CDH18: variants seen among roughly 807,000 people sequenced by gnomAD.
CDH18 encodes the protein cadherin 18.
Under a neutral mutation model 67.9 loss-of-function variants are expected in CDH18, and 31 were observed. That is an observed-to-expected ratio of 0.46 (90% confidence interval 0.34 to 0.62). CDH18 has a LOEUF of 0.62. Among genes scored for constraint, CDH18 ranks in the 20% least tolerant of loss-of-function variants. The probability of loss-of-function intolerance (pLI) is 0.01; values close to 1 mark genes in which losing one functional copy is unlikely to be tolerated. For synonymous variants in CDH18, 362 were observed against 347.2 expected (o/e 1.04, Z -0.48); for missense variants, 890 against 975.5 (o/e 0.91, Z 1.17).
chr5:19,957,346 TTA>T (rs1449032605), intron 2 of CDH18, among the ~76,000 whole-genome samples: 7 of 150,908 alleles, frequency 4.6e-5, no homozygotes, highest in South Asian at 2.1e-4. Context: ...TAATTTATAT[TTA>T]TATGTCATTA....
chr5:20,182,597 C>CA (rs778083062), intron 2 of CDH18, among the ~76,000 whole-genome samples: 5,511 of 46,264 alleles, frequency 0.12, 384 homozygotes, highest in East Asian at 0.32. Context: ...AGCTAAATCT[C>CA]AAAAAAAAAA....
chr5:19,688,122 A>C (rs1274994753), intron 5 of CDH18, among the ~76,000 whole-genome samples: 1 of 152,024 alleles, frequency 6.6e-6, no homozygotes, highest in Non-Finnish European at 1.5e-5. Context: ...TTTTCCCACC[A>C]CCATTACTGC....
chr5:19,568,410 C>T (rs1044153624), intron 8 of CDH18, among the ~76,000 whole-genome samples: 3 of 152,074 alleles, frequency 2.0e-5, no homozygotes, highest in Non-Finnish European at 2.9e-5. Flanking sequence ...TGTGAGAATA[C>T]GAGACGTTGG....
At chr5:19,585,208 T>C (rs1743965799) in intron 7 of CDH18, among the ~76,000 whole-genome samples, 1 of 152,140 alleles carries the variant, frequency 6.6e-6, no homozygotes, top group Non-Finnish European at 1.5e-5. Context: ...AATTTTACCT[T>C]TGTTTTTCAG....
chr5:19,569,609 G>A (rs971100228), intron 8 of CDH18, among the ~76,000 whole-genome samples: 4 of 152,074 alleles, frequency 2.6e-5, no homozygotes, highest in Non-Finnish European at 5.9e-5. Context: ...TTATCATGAG[G>A]ACTACTATAA....
At chr5:20,401,619 T>G (rs1256965723) in intron 1 of CDH18, among the ~76,000 whole-genome samples, 2 of 152,210 alleles carry the variant, frequency 1.3e-5, no homozygotes, top group South Asian at 2.1e-4. Flanking sequence ...ATATACTTAG[T>G]TGATCAAATT....
At chr5:20,272,733 C>A (rs78186101) in intron 1 of CDH18, among the ~76,000 whole-genome samples, 1,663 of 152,062 alleles carry the variant, frequency 0.011, 31 homozygotes, top group African/African-American at 0.038. Context: ...CCCTCTATGT[C>A]ATTCTACAAA....
At chr5:20,273,527 G>C (rs1407553582) in intron 1 of CDH18, among the ~76,000 whole-genome samples, 1 of 151,994 alleles carries the variant, frequency 6.6e-6, no homozygotes, top group Non-Finnish European at 1.5e-5. Context: ...GATTGATGCA[G>C]TATGATAACT....
At chr5:19,572,982 A>G (rs1741700453) in intron 7 of CDH18, among the ~76,000 whole-genome samples, 1 of 152,150 alleles carries the variant, frequency 6.6e-6, no homozygotes, top group Non-Finnish European at 1.5e-5. Flanking sequence ...GCAAAATATC[A>G]TTTCATTTCC....
chr5:19,487,401 C>A (rs1308395320), intron 11 of CDH18, among the ~76,000 whole-genome samples: 2 of 152,046 alleles, frequency 1.3e-5, no homozygotes, highest in Non-Finnish European at 2.9e-5. Context: ...GGGTTCACTG[C>A]ATTAAAAGTA....
intron 8 of CDH18, among the ~76,000 whole-genome samples, chr5:19,565,093 C>A (rs1437638512): frequency 2.0e-5 from 3 of 152,156 alleles, no homozygotes; most frequent in Non-Finnish European, 1.5e-5. Context: ...CATTTCTAGA[C>A]CTGCCCTGGG....
intron 2 of CDH18, among the ~76,000 whole-genome samples, chr5:20,178,829 A>T (rs975250173): frequency 2.0e-5 from 3 of 152,122 alleles, no homozygotes; most frequent in Non-Finnish European, 2.9e-5. Flanking sequence ...CACTGCAGAG[A>T]AAAAGTTAAG....
At chr5:20,421,458 G>A (rs574894680) in intron 1 of CDH18, among the ~76,000 whole-genome samples, 2 of 150,890 alleles carry the variant, frequency 1.3e-5, no homozygotes, top group East Asian at 3.9e-4. Flanking sequence ...GTCAACAACA[G>A]TAAGATCATT....
intron 2 of CDH18, among the ~76,000 whole-genome samples, chr5:20,080,999 A>G (rs894531448): frequency 6.6e-6 from 1 of 152,146 alleles, no homozygotes; most frequent in Non-Finnish European, 1.5e-5. Flanking sequence ...ATGCTAGAAT[A>G]AGATTTTTAA....
intron 5 of CDH18, among the ~76,000 whole-genome samples, chr5:19,628,405 G>A (rs1215031504): frequency 6.6e-6 from 1 of 152,118 alleles, no homozygotes; most frequent in East Asian, 1.9e-4. Context: ...TTTGAAAGTT[G>A]CTTTGGGAAT....
At chr5:20,318,959 C>G (rs906679934) in intron 1 of CDH18, among the ~76,000 whole-genome samples, 2 of 152,120 alleles carry the variant, frequency 1.3e-5, no homozygotes, top group African/African-American at 2.4e-5. Context: ...TCCCTCTCCA[C>G]CCATGGCATC....
intron 2 of CDH18, among the ~76,000 whole-genome samples, chr5:19,842,386 G>A (rs1431754010): frequency 2.6e-5 from 4 of 152,140 alleles, no homozygotes; most frequent in African/African-American, 9.7e-5. Flanking sequence ...TTGATAGTGA[G>A]TAAGTTATCA....
chr5:19,804,508 C>G (rs967408592), intron 3 of CDH18, among the ~76,000 whole-genome samples: 9 of 152,064 alleles, frequency 5.9e-5, no homozygotes, highest in Admixed American at 1.3e-4. Flanking sequence ...TGGTCAAAAT[C>G]CCAATCAAAT....
Position 19,839,503 on chromosome 5 carries a change from A to G in CDH18, c.-256-261T>C, listed in dbSNP as rs148511081. ...TAGACATAATACAAATTTGTTATAT[A>G]TACTACACATGAATTACCTACTGTA... On this transcript the variant is annotated intron_variant, in intron 2 of 12. Coordinates refer to ENST00000382275, the MANE Select transcript of CDH18 (RefSeq NM_004934.5). Among the ~76,000 whole-genome samples, 7 of 152,342 alleles carry G rather than the reference A, an allele frequency of 4.6e-5. No individual in the cohort carries two copies. In the East Asian group the frequency reaches 1.2e-3, roughly 25 times the overall value.
Sources: allele counts gnomAD v4.1 joint callset (sites outside exome capture counted in the v4.1 genomes callset), GRCh38; gene constraint gnomAD v4.1.1; transcripts MANE v1.5; gene names NCBI Gene and HGNC (gene_info 2026-07-23, HGNC 2026-07-21).